CBLB: variants seen among roughly 807,000 people sequenced by gnomAD.
CBLB encodes E3 ubiquitin-protein ligase CBL-B.
In CBLB, 31 loss-of-function variants were observed where a neutral mutation model predicts 104.9. The observed-to-expected ratio is 0.30, with a 90% CI of 0.22 to 0.40. The LOEUF (loss-of-function observed/expected upper bound fraction) is 0.40. Ranked by LOEUF, CBLB falls within the 10% of genes least tolerant of loss-of-function variation. CBLB has a pLI of 1.00. For missense variants in CBLB, 1,062 were observed against 1,214.6 expected, an observed-to-expected ratio of 0.87 and a Z score of 1.87; for synonymous variants, 440 against 422.6, an observed-to-expected ratio of 1.04 and a Z score of -0.51.
intron 3 of CBLB, among the ~76,000 whole-genome samples, chr3:105,850,287 A>G (rs1437459371): frequency 1.3e-5 from 2 of 152,060 alleles, no homozygotes; most frequent in Admixed American, 1.3e-4. Flanking sequence ...TTTACTTGTT[A>G]TGGGTATTTG....
chr3:105,772,351 C>T (rs1055462450), intron 4 of CBLB, among the ~76,000 whole-genome samples: 2 of 152,182 alleles, frequency 1.3e-5, no homozygotes, highest in African/African-American at 4.8e-5. Context: ...CCCCATCTCT[C>T]ACCTTATTAA....
rs535089147 is a variant in CBLB at position 105,719,605 on chromosome 3, G to A, written c.1407+442C>T. Among the ~76,000 whole-genome samples the A allele has an allele frequency of 8.5e-5, 13 of 152,262 alleles. No individual in the cohort carries two copies. The East Asian group carries it at 2.5e-3, about 29-fold the overall frequency. On this transcript the variant is annotated intron_variant, in intron 10 of 18. Transcript: ENST00000394030. ...GTGTAAACAAACCTACTGTGCAGCT[G>A]GTTGCATAAAAGTATAGCACATATA...
In CBLB at chr3:105,665,650, A is replaced by T. The variant is rs539496266; in HGVS notation, c.2689+4583T>A. 4.1e-5 allele frequency among the ~76,000 whole-genome samples: 6 copies of T among 147,926 alleles called. 1 individual carries two copies. In the South Asian group the frequency reaches 1.3e-3, roughly 31 times the overall value. Reference sequence around the variant, plus strand: ...AAACAGATAATATAAAATATACATTATTAAATAAAATAACATGAATATTTA... The same window carrying T: ...AAACAGATAATATAAAATATACATTTTTAAATAAAATAACATGAATATTTA... On this transcript the variant is annotated intron_variant, in intron 18 of 18. Transcript: ENST00000394030.
chr3:105,804,762 T>C (rs2083303328), intron 3 of CBLB, among the ~76,000 whole-genome samples: 1 of 152,106 alleles, frequency 6.6e-6, no homozygotes, highest in African/African-American at 2.4e-5. Context: ...TTATATCCAT[T>C]CTTTGTTTCT....
intron 2 of CBLB, among the ~76,000 whole-genome samples, chr3:105,865,560 A>G (rs888361292): frequency 3.3e-5 from 5 of 152,244 alleles, no homozygotes; most frequent in Non-Finnish European, 7.3e-5. Flanking sequence ...TTAACTATCA[A>G]ATAACCATCT....
chr3:105,856,091 C>A (rs2091562913), intron 2 of CBLB, among the ~76,000 whole-genome samples: 1 of 152,118 alleles, frequency 6.6e-6, no homozygotes, highest in Non-Finnish European at 1.5e-5. Flanking sequence ...GTGGCTCACA[C>A]CTGTAACCCC....
intron 17 of CBLB, among the ~76,000 whole-genome samples, chr3:105,677,648 T>C (rs2065815520): frequency 6.6e-6 from 1 of 151,834 alleles, no homozygotes; most frequent in Non-Finnish European, 1.5e-5. Context: ...TGTTAATTAG[T>C]ATCAGCAGAT....
At chr3:105,813,310 A>C (rs2084558434) in intron 3 of CBLB, among the ~76,000 whole-genome samples, 1 of 152,196 alleles carries the variant, frequency 6.6e-6, no homozygotes, top group African/African-American at 2.4e-5. Context: ...AAATATTTTA[A>C]GAATGGAGAA....
At position 105,866,117 on chromosome 3, in the gene CBLB, C is replaced by T. The variant is rs147667866; in HGVS notation, c.168+1293G>A. Among the ~76,000 whole-genome samples, 15 of 152,214 alleles carry T rather than the reference C, an allele frequency of 9.9e-5. No individual in the cohort carries two copies. In the East Asian group the frequency reaches 2.7e-3, roughly 27 times the overall value. ...AACAATTTGAATAAATTGGCAGAAG[C>T]GTAAATAGGTCACACTGAAGCCCAA... On this transcript the variant is annotated intron_variant, in intron 2 of 18. Coordinates refer to ENST00000394030, the MANE Select transcript of CBLB (RefSeq NM_170662.5).
At chr3:105,847,943 A>T (rs1371606052) in intron 3 of CBLB, among the ~76,000 whole-genome samples, 1 of 152,084 alleles carries the variant, frequency 6.6e-6, no homozygotes, top group Non-Finnish European at 1.5e-5. Context: ...AAGTAATATA[A>T]TACTTAGAGT....
intron 14 of CBLB, among the ~76,000 whole-genome samples, chr3:105,682,890 T>C (rs1364459662): frequency 6.6e-6 from 1 of 152,130 alleles, no homozygotes. Context: ...GAAGAGAAGA[T>C]AAGGAGCATA....
chr3:105,847,426 A>C (rs1430092439), intron 3 of CBLB, among the ~76,000 whole-genome samples: 2 of 150,650 alleles, frequency 1.3e-5, no homozygotes, highest in Non-Finnish European at 1.5e-5. Context: ...ACACACACAC[A>C]CACCCCATTT....
intron 18 of CBLB, among the ~76,000 whole-genome samples, chr3:105,665,442 T>TATATATATATATATATATATAC (rs1182735970): frequency 3.0e-5 from 2 of 67,230 alleles, no homozygotes; most frequent in African/African-American, 9.7e-5. Context: ...TATATATATA[T>TATATATATATATATATATATAC]ACACACACAC....
chr3:105,814,223 T>C (rs910431255), intron 3 of CBLB, among the ~76,000 whole-genome samples: 1 of 152,194 alleles, frequency 6.6e-6, no homozygotes, highest in African/African-American at 2.4e-5. Context: ...TTTATGTTTA[T>C]ACGTGCATCA....
intron 3 of CBLB, among the ~76,000 whole-genome samples, chr3:105,785,329 C>T (rs9857145): frequency 0.014 from 2,059 of 152,238 alleles, 42 homozygotes; most frequent in African/African-American, 0.047. Context: ...AACCAAAACC[C>T]ACTTTAACAG....
chr3:105,739,729 C>T (rs1285082071), intron 7 of CBLB, among the ~76,000 whole-genome samples: 1 of 151,836 alleles, frequency 6.6e-6, no homozygotes, highest in East Asian at 1.9e-4. Context: ...AAGGAAAGAT[C>T]TACAGAGAGA....
intron 4 of CBLB, among the ~76,000 whole-genome samples, chr3:105,758,454 G>C (rs1479039784): frequency 6.6e-6 from 1 of 151,048 alleles, no homozygotes; most frequent in African/African-American, 2.4e-5. Flanking sequence ...CTTATTGTTT[G>C]TGTGTCACTT....
At chr3:105,774,936 A>G (rs2079278164) in intron 4 of CBLB, among the ~76,000 whole-genome samples, 1 of 152,202 alleles carries the variant, frequency 6.6e-6, no homozygotes, top group Non-Finnish European at 1.5e-5. Context: ...AACTAAGCTT[A>G]CAATGTTAAT....
At chr3:105,811,731 C>T (rs1033440392) in intron 3 of CBLB, among the ~76,000 whole-genome samples, 12 of 151,100 alleles carry the variant, frequency 7.9e-5, no homozygotes, top group Non-Finnish European at 1.5e-4. Context: ...TTTTTTGAGA[C>T]GGAGTTTCAC....
Sources: allele counts gnomAD v4.1 joint callset (sites outside exome capture counted in the v4.1 genomes callset), GRCh38; gene constraint gnomAD v4.1.1; transcripts MANE v1.5; gene names NCBI Gene and HGNC (gene_info 2026-07-23, HGNC 2026-07-21).